The following RBFOX1 variants were observed in gnomAD, a reference collection of about 807,000 sequenced individuals.
The protein encoded by RBFOX1 is RNA binding fox-1 homolog 1, also known as RNA binding protein fox-1 homolog 1.
A neutral mutation model predicts 57.7 loss-of-function variants in RBFOX1; 8 were observed. The ratio of observed to expected loss-of-function variants is 0.14; its 90% CI spans 0.08 to 0.25. The LOEUF (loss-of-function observed/expected upper bound fraction) is 0.25, where lower values mean the gene tolerates loss of function less well. RBFOX1 is among the 10% of genes least tolerant of loss of function. RBFOX1 has a pLI of 1.00. For missense variants in RBFOX1, 611 were observed against 548.5 expected (o/e 1.11, Z -1.14); for synonymous variants, 326 against 222.4 (o/e 1.47, Z -4.15).
intron 3 of RBFOX1, among the ~76,000 whole-genome samples, chr16:6,850,150 G>A (rs990771644): frequency 2.6e-5 from 4 of 152,122 alleles, no homozygotes; most frequent in African/African-American, 9.7e-5. Flanking sequence ...GCACCCTAGG[G>A]TTCCTTTCCC....
At chr16:6,509,870 A>G (rs2096212741) in intron 2 of RBFOX1, among the ~76,000 whole-genome samples, 1 of 152,210 alleles carries the variant, frequency 6.6e-6, no homozygotes, top group South Asian at 2.1e-4. Context: ...AAAAAACTGT[A>G]GGAGAAGTCA....
intron 4 of RBFOX1, among the ~76,000 whole-genome samples, chr16:7,417,122 C>G (rs1021862696): frequency 6.6e-6 from 1 of 152,060 alleles, no homozygotes; most frequent in South Asian, 2.1e-4. Context: ...GTAATCCCAG[C>G]ACTTTGGGAG....
At chr16:6,926,443 G>C (rs183906409) in intron 3 of RBFOX1, among the ~76,000 whole-genome samples, 1 of 152,184 alleles carries the variant, frequency 6.6e-6, no homozygotes, top group Non-Finnish European at 1.5e-5. Context: ...CCTGCCTCCT[G>C]ATCGGTGTTC....
At chr16:7,124,699 C>A (rs1189258748) in intron 4 of RBFOX1, among the ~76,000 whole-genome samples, 2 of 151,874 alleles carry the variant, frequency 1.3e-5, no homozygotes, top group African/African-American at 4.8e-5. Context: ...AATCTCCCCA[C>A]ATACACAAAA....
intron 2 of RBFOX1, among the ~76,000 whole-genome samples, chr16:6,332,502 G>C (rs1010624997): frequency 1.3e-5 from 2 of 152,192 alleles, no homozygotes; most frequent in Non-Finnish European, 2.9e-5. Context: ...GAATATAGGA[G>C]ACATGACTGA....
At chr16:5,920,745 C>A (rs981484988) in intron 4 of RBFOX1, among the ~76,000 whole-genome samples, 2 of 152,188 alleles carry the variant, frequency 1.3e-5, no homozygotes, top group Non-Finnish European at 2.9e-5. Flanking sequence ...GGTGTGGGAT[C>A]TGAACTGGAA....
chr16:6,487,673 TAAAAAAAAAAAAA>T (rs777856402), intron 2 of RBFOX1, among the ~76,000 whole-genome samples: 5,192 of 38,346 alleles, frequency 0.14, 316 homozygotes, highest in Non-Finnish European at 0.17. Context: ...GTGATATATG[TAAAAAAAAAAAAA>T]AAAAAAAAAA....
At chr16:6,492,604 G>C (rs370405680) in intron 2 of RBFOX1, among the ~76,000 whole-genome samples, 2 of 151,860 alleles carry the variant, frequency 1.3e-5, no homozygotes, top group Non-Finnish European at 2.9e-5. Flanking sequence ...AAATAAATAA[G>C]TATGTACTTT....
intron 10 of RBFOX1, among the ~76,000 whole-genome samples, chr16:7,608,179 AC>A (rs1473430271): frequency 1.3e-5 from 2 of 152,168 alleles, no homozygotes; most frequent in African/African-American, 4.8e-5. Flanking sequence ...TAATCCGTTG[AC>A]CTAGAGCCAC....
chr16:5,636,734 G>A (rs1322071523), intron 3 of RBFOX1, among the ~76,000 whole-genome samples: 1 of 152,196 alleles, frequency 6.6e-6, no homozygotes, highest in Non-Finnish European at 1.5e-5. Flanking sequence ...CAGTGGACCA[G>A]GTGAGACCGC....
intron 3 of RBFOX1, among the ~76,000 whole-genome samples, chr16:6,823,885 T>G (rs893354052): frequency 4.6e-5 from 7 of 152,194 alleles, no homozygotes; most frequent in Non-Finnish European, 7.4e-5. Context: ...GATTACAGAT[T>G]GCTGCAAAAA....
intron 1 of RBFOX1, among the ~76,000 whole-genome samples, chr16:5,335,496 A>G (rs1381312300): frequency 6.6e-6 from 1 of 152,202 alleles, no homozygotes; most frequent in East Asian, 1.9e-4. Flanking sequence ...ATTAGGAGAT[A>G]AAACAGAAAG....
chr16:6,928,169 T>G (rs945222314), intron 3 of RBFOX1, among the ~76,000 whole-genome samples: 7 of 152,170 alleles, frequency 4.6e-5, no homozygotes, highest in Non-Finnish European at 8.8e-5. Flanking sequence ...TGGCTGTGCA[T>G]TGGCATTGCA....
rs2094135474 is a variant in RBFOX1, at chr16:6,432,785, C to T, written c.-64+115728C>T. 2.6e-5 allele frequency among the ~76,000 whole-genome samples: 4 copies of T among 152,176 alleles called. No individual in the cohort carries two copies. The South Asian group carries it at 8.3e-4, about 32-fold the overall frequency. ...ACGAGGTCGGGAGTTCGAGACCAGT[C>T]TGACTGATGTGGTGAAACCCCATCT... is the stretch of plus-strand genomic sequence containing the variant. On this transcript the variant is annotated intron_variant, in intron 2 of 15. Transcript: ENST00000550418.
intron 1 of RBFOX1, among the ~76,000 whole-genome samples, chr16:6,187,213 C>T (rs961193294): frequency 6.6e-6 from 1 of 152,164 alleles, no homozygotes; most frequent in Non-Finnish European, 1.5e-5. Flanking sequence ...TTTGGATGAC[C>T]TGTATCAGGT....
At chr16:7,115,223 G>T (rs1305227033) in intron 4 of RBFOX1, among the ~76,000 whole-genome samples, 3 of 152,070 alleles carry the variant, frequency 2.0e-5, no homozygotes, top group Non-Finnish European at 2.9e-5. Flanking sequence ...GTAAGTAAGG[G>T]GTGGACATTC....
chr16:7,359,159 G>A (rs943986265), intron 4 of RBFOX1, among the ~76,000 whole-genome samples: 1 of 152,192 alleles, frequency 6.6e-6, no homozygotes, highest in African/African-American at 2.4e-5. Flanking sequence ...CCGTGCAAAT[G>A]CTGTGTGACC....
intron 3 of RBFOX1, among the ~76,000 whole-genome samples, chr16:7,047,716 C>CTTTTTTTTTTTTTT (rs55636828): frequency 1.7e-4 from 8 of 47,940 alleles, no homozygotes; most frequent in East Asian, 4.1e-4. Context: ...TCCTGCATTT[C>CTTTTTTTTTTTTTT]TTTTTTTTTT....
chr16:7,117,421 C>T (rs1280713200), intron 4 of RBFOX1, among the ~76,000 whole-genome samples: 1 of 152,120 alleles, frequency 6.6e-6, no homozygotes, highest in Non-Finnish European at 1.5e-5. Context: ...ATTAAGAGTA[C>T]AGCTTCTGGA....
Sources: gnomAD v4.1 joint callset for allele counts (sites outside exome capture counted in the v4.1 genomes callset) on GRCh38, gnomAD v4.1.1 for gene constraint, MANE v1.5 for transcripts, NCBI Gene and HGNC (gene_info 2026-07-23, HGNC 2026-07-21) for gene names.